DNM3: variants seen among roughly 807,000 people sequenced by gnomAD.
DNM3 encodes dynamin 3.
In DNM3, 47 loss-of-function variants were observed where a neutral mutation model predicts 101.6. The observed-to-expected ratio is 0.46, with a 90% confidence interval of 0.37 to 0.59. DNM3 has a LOEUF of 0.59. Ranked by LOEUF, DNM3 falls within the 20% of genes least tolerant of loss-of-function variation. The pLI, the probability that DNM3 is intolerant of heterozygous loss-of-function variation, is 0.00. For missense variants in DNM3, 849 were observed against 1,085.7 expected (o/e 0.78, Z 3.06); for synonymous variants, 385 against 387.9 (o/e 0.99, Z 0.09).
At chr1:172,041,708 A>G (rs781745081) in intron 7 of DNM3, among the ~76,000 whole-genome samples, 6 of 152,176 alleles carry the variant, frequency 3.9e-5, no homozygotes, top group Non-Finnish European at 7.4e-5. Context: ...AGTTTAATTG[A>G]TTAACTCTCT....
intron 10 of DNM3, among the ~76,000 whole-genome samples, chr1:172,054,158 CAT>C (rs1313975471): frequency 2.0e-5 from 3 of 152,206 alleles, no homozygotes. Flanking sequence ...TGTGATGCCT[CAT>C]GTGTAAAAAC....
At chr1:171,915,682 T>C (rs2039656830) in intron 1 of DNM3, among the ~76,000 whole-genome samples, 1 of 152,108 alleles carries the variant, frequency 6.6e-6, no homozygotes, top group African/African-American at 2.4e-5. Flanking sequence ...GAGGTTAATA[T>C]GATTGTAATG....
chr1:172,167,188 C>A (rs1486214838), intron 14 of DNM3, among the ~76,000 whole-genome samples: 1 of 151,942 alleles, frequency 6.6e-6, no homozygotes, highest in Non-Finnish European at 1.5e-5. Flanking sequence ...TCTGTCCTTG[C>A]GATAGTTTGC....
chr1:172,026,531 GAA>G (rs1341397052), intron 4 of DNM3, among the ~76,000 whole-genome samples: 1 of 151,962 alleles, frequency 6.6e-6, no homozygotes, highest in Non-Finnish European at 1.5e-5. Flanking sequence ...TGAAATGAAG[GAA>G]AAAATGTTAA....
At chr1:171,903,677 T>A (rs12732910) in intron 1 of DNM3, among the ~76,000 whole-genome samples, 1 of 152,316 alleles carries the variant, frequency 6.6e-6, no homozygotes, top group South Asian at 2.1e-4. Context: ...ATTATTAATG[T>A]GGAAATTGAT....
At chr1:172,375,636 G>A (rs1444118494) in intron 17 of DNM3, among the ~76,000 whole-genome samples, 2 of 152,092 alleles carry the variant, frequency 1.3e-5, no homozygotes, top group African/African-American at 4.8e-5. Flanking sequence ...TTCCAGTCAA[G>A]CCCAGTGCTT....
In DNM3 at chr1:172,351,888, T is replaced by C. The variant is rs1168713890; in HGVS notation, c.1894-27130T>C. 2.0e-5 allele frequency among the ~76,000 whole-genome samples: 3 copies of C among 152,124 alleles called. No homozygotes were observed. In the East Asian group the frequency reaches 5.8e-4, roughly 29 times the overall value. ...TGCCAGAGGTCAGAATGTGCCCACC[T>C]CCTGGCAGCTGAGGATGAATGGCTT... On this transcript the variant is annotated intron_variant, in intron 17 of 20. Coordinates refer to ENST00000627582, the MANE Select transcript of DNM3 (RefSeq NM_015569.5).
At chr1:172,351,703 GAAAGGA>G (rs1483718823) in intron 17 of DNM3, among the ~76,000 whole-genome samples, 1 of 152,164 alleles carries the variant, frequency 6.6e-6, no homozygotes, top group African/African-American at 2.4e-5. Context: ...ATACATGGGT[GAAAGGA>G]AAACAGACTT....
At chr1:172,065,777 A>G (rs1572349925) in intron 10 of DNM3, among the ~76,000 whole-genome samples, 3 of 152,198 alleles carry the variant, frequency 2.0e-5, no homozygotes, top group Non-Finnish European at 2.9e-5. Flanking sequence ...GATGTTATGA[A>G]CATAATCTAT....
intron 2 of DNM3, among the ~76,000 whole-genome samples, chr1:171,972,136 G>T (rs1394091626): frequency 6.6e-6 from 1 of 152,236 alleles, no homozygotes; most frequent in African/African-American, 2.4e-5. Flanking sequence ...AATCAAAGAT[G>T]TAGAAGACAT....
chr1:172,203,037 AC>A (rs1376829550), intron 14 of DNM3, among the ~76,000 whole-genome samples: 1 of 152,164 alleles, frequency 6.6e-6, no homozygotes, highest in East Asian at 1.9e-4. Context: ...TAACCATATA[AC>A]TGGGGCTCTA....
chr1:172,006,902 G>A (rs754616059), intron 4 of DNM3, among the ~76,000 whole-genome samples: 6 of 151,994 alleles, frequency 3.9e-5, no homozygotes, highest in Admixed American at 1.3e-4. Context: ...TCATGTAAAT[G>A]GAATCATACA....
intron 14 of DNM3, among the ~76,000 whole-genome samples, chr1:172,184,757 T>C (rs12123837): frequency 0.22 from 33,522 of 152,052 alleles, 4,846 homozygotes; most frequent in Middle Eastern, 0.34. Flanking sequence ...TGCATTCTCA[T>C]TGCAGACTTG....
chr1:172,064,696 A>C (rs1202252438), intron 10 of DNM3, among the ~76,000 whole-genome samples: 1 of 152,070 alleles, frequency 6.6e-6, no homozygotes, highest in Non-Finnish European at 1.5e-5. Flanking sequence ...TTTATATTTG[A>C]AAGCCAGCAG....
At chr1:172,029,289 A>T (rs1412646176) in intron 4 of DNM3, among the ~76,000 whole-genome samples, 1 of 152,100 alleles carries the variant, frequency 6.6e-6, no homozygotes, top group East Asian at 1.9e-4. Flanking sequence ...CATCACATAA[A>T]CAGAACCAAC....
chr1:172,276,579 G>GTGTA, intron 15 of DNM3, among the ~76,000 whole-genome samples: 1 of 151,606 alleles, frequency 6.6e-6, no homozygotes, highest in African/African-American at 2.4e-5. Context: ...GTGTGTGTGT[G>GTGTA]TGTGTGTATA....
In DNM3 at chr1:172,033,164, G is replaced by T. The variant is rs760629252; in HGVS notation, c.748G>T (p.Ala250Ser). The T allele has an allele frequency of 2.5e-5, 41 of 1,612,200 alleles. No homozygotes were observed. Among genetic ancestry groups the T allele is most frequent in the Non-Finnish European group, 3.3e-5 (39 of 1,179,166 alleles). ...KDIDGKKDIK[A>S]AMLAERKFFL... is the part of the protein sequence containing the mutation. The stretch of plus-strand genomic sequence containing the variant: ...CATAGATGGGAAGAAGGACATAAAG[G>T]CAGCCATGCTGGCAGAGAGGAAGTT... The change falls in exon 6 of 21, where the codon GCA becomes TCA. Residue 250 changes from alanine to serine, a missense_variant. This residue lies in a region of DNM3 where 388 missense variants were observed against 483.0 expected (regional missense o/e 0.80). Transcript: ENST00000627582.
At chr1:172,296,788 AG>A (rs1416480588) in intron 15 of DNM3, among the ~76,000 whole-genome samples, 1 of 152,192 alleles carries the variant, frequency 6.6e-6, no homozygotes, top group Non-Finnish European at 1.5e-5. Context: ...AGTTATTTGT[AG>A]TACTGAGAAA....
chr1:172,282,795 C>G (rs1041249613), intron 15 of DNM3, among the ~76,000 whole-genome samples: 1 of 152,180 alleles, frequency 6.6e-6, no homozygotes, highest in Non-Finnish European at 1.5e-5. Flanking sequence ...GTTCATCAGT[C>G]TTCTTTGGCA....
Sources: gnomAD v4.1 joint callset for allele counts (sites outside exome capture counted in the v4.1 genomes callset) on GRCh38, gnomAD v4.1.1 for gene constraint, gnomAD v4.1.1 regional missense constraint, MANE v1.5 for transcripts, NCBI Gene and HGNC (gene_info 2026-07-23, HGNC 2026-07-21) for gene names.